MC2R: variants seen among roughly 807,000 people sequenced by gnomAD.
MC2R encodes adrenocorticotropic hormone receptor.
MC2R carries 9 observed loss-of-function variants against 9.8 expected under a neutral mutation model. The ratio of observed to expected loss-of-function variants is 0.92; its 90% confidence interval spans 0.55 to 1.60. The LOEUF (loss-of-function observed/expected upper bound fraction) is 1.60. Ranked by LOEUF, MC2R falls within the 40% of genes most tolerant of loss-of-function variation. The pLI is 0.00. For synonymous variants in MC2R, 185 were observed against 154.7 expected (o/e 1.20, Z -1.45); for missense variants, 370 against 389.0 (o/e 0.95, Z 0.41).
At chr18:13,914,034 G>C (rs2045461988) in intron 1 of MC2R, among the ~76,000 whole-genome samples, 1 of 151,848 alleles carries the variant, frequency 6.6e-6, no homozygotes, top group South Asian at 2.1e-4. Flanking sequence ...AACATACCTG[G>C]GATCATTAAC....
chr18:13,902,009 A>G (rs2045383050), intron 1 of MC2R, among the ~76,000 whole-genome samples: 1 of 152,136 alleles, frequency 6.6e-6, no homozygotes, highest in Non-Finnish European at 1.5e-5. Flanking sequence ...ATACTGGCAA[A>G]CCAAATTCAA....
intron 1 of MC2R, among the ~76,000 whole-genome samples, chr18:13,887,898 A>T (rs981912321): frequency 1.3e-5 from 2 of 151,980 alleles, no homozygotes; most frequent in African/African-American, 4.8e-5. Flanking sequence ...GTGTGTGCCA[A>T]TTCCTTATAG....
chr18:13,898,717 A>G (rs116215136), intron 1 of MC2R, among the ~76,000 whole-genome samples: 1,704 of 152,346 alleles, frequency 0.011, 32 homozygotes, highest in African/African-American at 0.039. Context: ...GGACGAGAAC[A>G]AGAGTCTCTA....
In MC2R at chr18:13,882,647, A is replaced by C. The variant is rs555909100; in HGVS notation, c.*1978T>G. The C allele has an allele frequency of 6.6e-6, 1 of 152,146 alleles. No individual in the cohort carries two copies. The highest frequency in any genetic ancestry group is 2.4e-5 in the African/African-American group (1 of 41,568). The allele number at this position is 152,146 out of a possible 1,614,324, so 9.4% of individuals were successfully genotyped here. ...AGAGCAGTTTGGGACTATTTATGATACAGGTTAAGTGGCATTGCTTACCTC... is the reference window on the plus strand; with the variant it reads ...AGAGCAGTTTGGGACTATTTATGATCCAGGTTAAGTGGCATTGCTTACCTC... On this transcript the variant is annotated 3_prime_UTR_variant, in exon 2 of 2. Transcript: ENST00000327606.
At chr18:13,891,444 A>C (rs1324103982) in intron 1 of MC2R, among the ~76,000 whole-genome samples, 1 of 152,190 alleles carries the variant, frequency 6.6e-6, no homozygotes, top group African/African-American at 2.4e-5. Context: ...TTTTACAAAA[A>C]TGGAATTGTT....
chr18:13,885,441 C>G lies in MC2R; in HGVS notation c.78G>C (p.Leu26Phe). ...RNNSDCPRVV[L>F]PEEIFFTISI... is the part of the protein sequence containing the mutation. ...AAATTGTGAAAAATATCTCCTCCGG[C>G]AAAACCACACGAGGACAGTCGGAAT... The change falls in exon 2 of 2, where the codon TTG (leucine) becomes TTC (phenylalanine). Residue 26 changes from leucine to phenylalanine, a missense_variant. Coordinates refer to ENST00000327606, the MANE Select transcript of MC2R (RefSeq NM_000529.2). The G allele has an allele frequency of 1.2e-6, 2 of 1,614,076 alleles. No individual in the cohort carries two copies.
rs1369531100 is a variant in MC2R at position 13,883,125 on chromosome 18, A to G, written c.*1500T>C. The stretch of plus-strand genomic sequence containing the variant: ...TGTGTGGCTGTCTTCTCCCCTCAGC[A>G]GCTCTGGGAAATTCTCCTGAGGGCA... On this transcript the variant is annotated 3_prime_UTR_variant, in exon 2 of 2. Coordinates refer to ENST00000327606, the MANE Select transcript of MC2R (RefSeq NM_000529.2). 6.6e-6 allele frequency: 1 copy of G among 152,264 alleles called. No individual in the cohort carries two copies. Among genetic ancestry groups the G allele is most frequent in the Non-Finnish European group, 1.5e-5 (1 of 68,094 alleles). The allele number at this position is 152,264 out of a possible 1,614,324, so 9.4% of individuals were successfully genotyped here. A position where few individuals can be genotyped will look rare whatever the true frequency, so the allele number is the denominator to read the frequency against.
intron 1 of MC2R, among the ~76,000 whole-genome samples, chr18:13,890,697 T>C (rs1288700387): frequency 1.3e-5 from 2 of 152,174 alleles, no homozygotes; most frequent in Non-Finnish European, 2.9e-5. Context: ...TACACTTATG[T>C]CTGTGTGTCT....
Position 13,884,720 on chromosome 18 carries a change from A to C in MC2R, c.799T>G (p.Cys267Gly), listed in dbSNP as rs1289926010. ...ATGAAGGGGTCAATGACGGCATTGC[A>C]CATGATCAACATGCCGTTCACCTGG... Reference protein sequence around the residue: ...LFQVNGMLIMCNAVIDPFIYA... With the variant: ...LFQVNGMLIMGNAVIDPFIYA... Residue 267 changes from cysteine to glycine, a missense_variant, in exon 2 of 2, where the codon TGC (cysteine) becomes GGC (glycine). Coordinates refer to ENST00000327606, the MANE Select transcript of MC2R (RefSeq NM_000529.2). 6.2e-7 allele frequency: 1 copy of C among 1,614,164 alleles called. No homozygotes were observed. Among genetic ancestry groups the C allele is most frequent in the Admixed American group, 1.7e-5 (1 of 60,022 alleles).
intron 1 of MC2R, among the ~76,000 whole-genome samples, chr18:13,893,356 T>G (rs1415412735): frequency 6.6e-6 from 1 of 152,182 alleles, no homozygotes; most frequent in Non-Finnish European, 1.5e-5. Flanking sequence ...ACTGTGCCTT[T>G]TGGTTTTTTA....
intron 1 of MC2R, among the ~76,000 whole-genome samples, chr18:13,889,246 G>A (rs909475878): frequency 2.0e-5 from 3 of 152,158 alleles, no homozygotes; most frequent in African/African-American, 7.2e-5. Context: ...CTCCTGGCCC[G>A]AAGACCAAGC....
rs2045243286 is a variant in MC2R, at chr18:13,883,080, T to C, written c.*1545A>G. 1 of 152,262 alleles carries C rather than the reference T, an allele frequency of 6.6e-6. No homozygotes were observed. The highest frequency in any genetic ancestry group is 1.5e-5 in the Non-Finnish European group (1 of 68,080). 9.4% of individuals were successfully genotyped at this position (152,262 alleles called of 1,614,324 possible). On this transcript the variant is annotated 3_prime_UTR_variant, in exon 2 of 2. Transcript: ENST00000327606. ...CCTGCCACTTCTAATATCAAACCCA[T>C]CACCAAATGGTCTGTCCTGTGTGTG...
At chr18:13,894,715 G>A (rs536075408) in intron 1 of MC2R, among the ~76,000 whole-genome samples, 5 of 152,238 alleles carry the variant, frequency 3.3e-5, no homozygotes, top group African/African-American at 7.2e-5. Context: ...TGTAGAACAC[G>A]CATTCCAGCT....
At chr18:13,911,522 G>A (rs1417115117) in intron 1 of MC2R, among the ~76,000 whole-genome samples, 1 of 152,146 alleles carries the variant, frequency 6.6e-6, no homozygotes, top group East Asian at 1.9e-4. Flanking sequence ...GGTATCTTTG[G>A]ACGAGTGCCT....
chr18:13,914,061 T>A (rs1598471052), intron 1 of MC2R, among the ~76,000 whole-genome samples: 1 of 90,442 alleles, frequency 1.1e-5, no homozygotes, highest in African/African-American at 7.1e-5. Context: ...AAGAATAGGA[T>A]TTTTTTTTTT....
rs886053642 is a variant in MC2R at position 13,883,668 on chromosome 18, GTCTC to G, written c.*953_*956del. 2.5e-4 allele frequency: 30 copies of G among 121,528 alleles called. No homozygotes were observed. The highest frequency in any genetic ancestry group is 8.1e-4 in the African/African-American group (27 of 33,170). The allele number at this position is 121,528 out of a possible 1,614,324, so 7.5% of individuals were successfully genotyped here. ...TCTCTCTCTCTCTCTGTCTGTCTCT[GTCTC>G]TCTCTCTTTATTTCTTAAAATACAT... is the stretch of plus-strand genomic sequence containing the variant. On this transcript the variant is annotated 3_prime_UTR_variant, in exon 2 of 2. Coordinates refer to ENST00000327606, the MANE Select transcript of MC2R (RefSeq NM_000529.2).
At chr18:13,893,650 T>C (rs2149137983) in intron 1 of MC2R, among the ~76,000 whole-genome samples, 1 of 152,316 alleles carries the variant, frequency 6.6e-6, no homozygotes, top group Middle Eastern at 3.4e-3. Flanking sequence ...CAGTCACTGT[T>C]AGTTACTTTG....
At chr18:13,909,797 T>G (rs2045434299) in intron 1 of MC2R, among the ~76,000 whole-genome samples, 1 of 152,214 alleles carries the variant, frequency 6.6e-6, no homozygotes, top group Admixed American at 6.5e-5. Context: ...CAACTTGTTA[T>G]TTCCTGACAT....
At chr18:13,892,212 T>C (rs1370558411) in intron 1 of MC2R, among the ~76,000 whole-genome samples, 2 of 152,206 alleles carry the variant, frequency 1.3e-5, no homozygotes, top group African/African-American at 2.4e-5. Flanking sequence ...GGATGTTGCA[T>C]ATTCCTCTGG....
Sources: allele counts gnomAD v4.1 joint callset (sites outside exome capture counted in the v4.1 genomes callset), GRCh38; gene constraint gnomAD v4.1.1; transcripts MANE v1.5; gene names NCBI Gene and HGNC (gene_info 2026-07-23, HGNC 2026-07-21).